Variants in ZRANB1 observed in about 807,000 individuals in gnomAD.
ZRANB1 encodes ubiquitin thioesterase ZRANB1.
ZRANB1 carries 16 observed loss-of-function variants against 80.5 expected under a neutral mutation model. The observed-to-expected ratio is 0.20, with a 90% CI of 0.13 to 0.30. The LOEUF is 0.30. ZRANB1 is among the 10% of genes least tolerant of loss of function. The probability of loss-of-function intolerance (pLI) is 1.00; values close to 1 mark genes in which losing one functional copy is unlikely to be tolerated. For synonymous variants in ZRANB1, 291 were observed against 293.1 expected, an observed-to-expected ratio of 0.99 and a Z score of 0.07; for missense variants, 576 against 862.6, an observed-to-expected ratio of 0.67 and a Z score of 4.16.
At chr10:124,974,159 A>G in intron 4 of ZRANB1, 41 bp from the exon 5 acceptor site, 1 of 1,597,010 alleles carries the variant, frequency 6.3e-7, no homozygotes, top group Non-Finnish European at 8.6e-7. Context: ...CTCTAATGAC[A>G]TAGGTATGGA....
intron 2 of ZRANB1, 40 bp from the exon 3 acceptor site, chr10:124,971,925 T>A: frequency 6.6e-7 from 1 of 1,509,132 alleles, no homozygotes; most frequent in Non-Finnish European, 8.9e-7. Flanking sequence ...CTTCCACTTA[T>A]GATACATGAG....
At chr10:124,962,986 C>G (rs1272588391) in intron 1 of ZRANB1, among the ~76,000 whole-genome samples, 1 of 152,310 alleles carries the variant, frequency 6.6e-6, no homozygotes, top group East Asian at 1.9e-4. Context: ...GATGCTTTGG[C>G]TGGGCGTGGT....
the ZRANB1 span, among the ~76,000 whole-genome samples, chr10:124,922,260 AATATATATATAT>A: frequency 7.0e-4 from 74 of 105,940 alleles, no homozygotes; most frequent in African/African-American, 2.7e-3. Flanking sequence ...ATATATGTAA[AATATATATATAT>A]ATATGTAAAA....
intron 5 of ZRANB1, among the ~76,000 whole-genome samples, chr10:124,976,622 A>G (rs565790902): frequency 8.1e-6 from 1 of 123,366 alleles, no homozygotes; most frequent in Admixed American, 1.1e-4. Flanking sequence ...CCCAGGCTGG[A>G]GTGCAGTGGC....
chr10:124,985,026 C>G lies in ZRANB1; in HGVS notation c.*34C>G. 1 of 1,517,424 alleles carries G rather than the reference C, an allele frequency of 6.6e-7. No individual in the cohort carries two copies. The highest frequency in any genetic ancestry group is 9.0e-7 in the Non-Finnish European group (1 of 1,109,264). 94.0% of individuals were successfully genotyped at this position (1,517,424 alleles called of 1,614,324 possible). On this transcript the variant is annotated 3_prime_UTR_variant, in exon 9 of 9. Coordinates refer to ENST00000359653, the MANE Select transcript of ZRANB1 (RefSeq NM_017580.3). ...ATCAAACAGCAGAAGACCAAGGCAT[C>G]AGATCTGTAATGACCCTAAAGTTAG...
chr10:124,917,881 A>G, the ZRANB1 span, among the ~76,000 whole-genome samples: 21 of 152,238 alleles, frequency 1.4e-4, no homozygotes, highest in African/African-American at 4.6e-4. Flanking sequence ...TTTCTCTGCT[A>G]TGGTTTGGTG....
intron 2 of ZRANB1, among the ~76,000 whole-genome samples, chr10:124,970,154 C>CT (rs1951809934): frequency 6.6e-6 from 1 of 152,158 alleles, no homozygotes; most frequent in Non-Finnish European, 1.5e-5. Flanking sequence ...TGAGTGTTGA[C>CT]TAATGGTTGG....
the ZRANB1 span, among the ~76,000 whole-genome samples, chr10:124,931,766 C>A: frequency 6.6e-6 from 1 of 152,148 alleles, no homozygotes; most frequent in Non-Finnish European, 1.5e-5. Context: ...CCCATGTTTC[C>A]CCCACTGTCT....
Position 124,950,817 on chromosome 10 carries a change from A to G in ZRANB1, c.814+7510A>G, listed in dbSNP as rs560805753. On this transcript the variant is annotated intron_variant, in intron 1 of 8. Transcript: ENST00000359653. ...CAACTTGGCGAGACCTCGTCTCTAT[A>G]AAAAATAAAAAAAATTAGCAGGACA... Among the ~76,000 whole-genome samples the G allele has an allele frequency of 1.2e-4, 18 of 152,172 alleles. No individual in the cohort carries two copies. In the South Asian group the frequency reaches 3.7e-3, roughly 32 times the overall value.
intron 8 of ZRANB1, 107 bp from the exon 9 acceptor site, chr10:124,984,667 G>T: frequency 2.7e-6 from 3 of 1,108,324 alleles, no homozygotes; most frequent in Non-Finnish European, 3.9e-6. Context: ...TGATTGCTTT[G>T]GCCTTTTCAT....
the ZRANB1 span, among the ~76,000 whole-genome samples, chr10:124,931,964 C>G: frequency 6.6e-6 from 1 of 152,150 alleles, no homozygotes; most frequent in Admixed American, 6.5e-5. Context: ...CCTCTGTGCT[C>G]TTCCTATTCA....
chr10:124,929,075 A>G, the ZRANB1 span, among the ~76,000 whole-genome samples: 1 of 152,236 alleles, frequency 6.6e-6, no homozygotes, highest in African/African-American at 2.4e-5. Flanking sequence ...TAGTCTCTGC[A>G]GTAATCCAAG....
chr10:124,917,894 G>T, the ZRANB1 span, among the ~76,000 whole-genome samples: 1 of 152,114 alleles, frequency 6.6e-6, no homozygotes, highest in Non-Finnish European at 1.5e-5. Flanking sequence ...GTTTGGTGCG[G>T]GTCATTTCAC....
chr10:124,974,458 T>A, intron 5 of ZRANB1, 60 bp downstream of exon 5: 1 of 1,544,948 alleles, frequency 6.5e-7, no homozygotes, highest in South Asian at 1.1e-5. Context: ...TATTTCCTTG[T>A]AGTGGTGGGA....
chr10:124,930,131 G>A, the ZRANB1 span, among the ~76,000 whole-genome samples: 1 of 152,220 alleles, frequency 6.6e-6, no homozygotes, highest in Admixed American at 6.5e-5. Flanking sequence ...TTAAAGATAG[G>A]TAAGCCATTA....
chr10:124,949,523 A>AT (rs1554936765), intron 1 of ZRANB1, among the ~76,000 whole-genome samples: 6,730 of 116,728 alleles, frequency 0.058, 289 homozygotes, highest in Admixed American at 0.13. Context: ...ACACACACAC[A>AT]TTTTTTTTTT....
intron 1 of ZRANB1, 38 bp downstream of exon 1, chr10:124,943,345 GA>G: frequency 6.4e-7 from 1 of 1,567,392 alleles, no homozygotes; most frequent in South Asian, 1.2e-5. Flanking sequence ...CGTGGGATGG[GA>G]AAAGGTAGTA....
chr10:124,925,129 C>G, the ZRANB1 span, among the ~76,000 whole-genome samples: 9 of 152,130 alleles, frequency 5.9e-5, no homozygotes, highest in South Asian at 1.9e-3. Context: ...AGGCTGGTCT[C>G]GAACTCCTGA....
At position 124,987,972 on chromosome 10, in the gene ZRANB1, A is replaced by C. The variant is rs1285315074; in HGVS notation, c.*2980A>C. 2 of 152,540 alleles carry C rather than the reference A, an allele frequency of 1.3e-5. No individual in the cohort carries two copies. The highest frequency in any genetic ancestry group is 2.9e-5 in the Non-Finnish European group (2 of 67,950). 9.4% of individuals were successfully genotyped at this position (152,540 alleles called of 1,614,324 possible). ...ATTTTGTTTGTTAGGTTATTGGCAA[A>C]ACAGTTTCAAGGTTCACTTCCCTCC... On this transcript the variant is annotated 3_prime_UTR_variant, in exon 9 of 9. Transcript: ENST00000359653.
Sources: gnomAD v4.1 joint callset for allele counts (sites outside exome capture counted in the v4.1 genomes callset) on GRCh38, gnomAD v4.1.1 for gene constraint, MANE v1.5 for transcripts, NCBI Gene and HGNC (gene_info 2026-07-23, HGNC 2026-07-21) for gene names.